PSG7: variants seen among roughly 807,000 people sequenced by gnomAD.
PSG7 encodes pregnancy specific beta-1-glycoprotein 7.
A neutral mutation model predicts 45.6 loss-of-function variants in PSG7; 57 were observed. The observed-to-expected ratio is 1.25, with a 90% confidence interval of 1.01 to 1.56. The LOEUF is 1.56. PSG7 is among the 40% of genes most tolerant of loss of function. PSG7 has a pLI of 0.00. For missense variants in PSG7, 796 were observed against 508.4 expected (o/e 1.57, Z -5.44); for synonymous variants, 298 against 194.4 (o/e 1.53, Z -4.43).
Position 42,925,241 on chromosome 19 carries a change from G to C in PSG7, c.1244-417C>G, listed in dbSNP as rs181704436. The C allele has an allele frequency of 1.7e-3, 509 of 301,620 alleles. 10 individuals are homozygous for C. Among genetic ancestry groups the C allele is most frequent in the African/African-American group, 1.0e-2 (453 of 45,516 alleles). 18.7% of individuals were successfully genotyped at this position (301,620 alleles called of 1,614,324 possible). Reference sequence around the variant, plus strand: ...GCCTTGGTAATATAACCAATGATTTGAAATGTGTCCTGTTACAAAGAGAGC... The same window carrying C: ...GCCTTGGTAATATAACCAATGATTTCAAATGTGTCCTGTTACAAAGAGAGC... On this transcript the variant is annotated intron_variant, in intron 5 of 5. Transcript: ENST00000406070.
Position 42,935,616 on chromosome 19 carries a change from C to G in PSG7, c.218G>C (p.Arg73Thr), listed in dbSNP as rs781920560. Residue 73 changes from arginine to threonine, a missense_variant, in exon 2 of 6, where the codon AGG becomes ACG. By Grantham distance (71) the Arg-to-Thr change is moderately conservative (BLOSUM62 -1). Transcript: ENST00000406070. ...TGATGTAACATAATGGTAGAGGTCC[C>G]TGATTTGTCCTTTGTACCAGATGTA... ...TGYIWYKGQI[R>T]DLYHYVTSYI... is the part of the protein sequence containing the mutation. The G allele has an allele frequency of 6.2e-7, 1 of 1,612,006 alleles. No homozygotes were observed. The highest frequency in any genetic ancestry group is 1.1e-5 in the South Asian group (1 of 90,804).
chr19:42,935,696 G>C lies in PSG7; in HGVS notation c.138C>G (p.Ser46=), dbSNP rs113195821. The change falls in exon 2 of 6, where the codon TCC becomes TCG. Residue 46 remains serine, a synonymous_variant. Coordinates refer to ENST00000406070, the MANE Select transcript of PSG7 (RefSeq NM_002783.3). ...VTIEAQPPKV[S]EGKDVLLLVH... is the part of the protein sequence containing the mutation. ...CAAGTAGAAGAACATCCTTCCCCTC[G>C]GAAACTTTTGGTGGCTGGGCTTCAA... 3 of 1,611,600 alleles carry C rather than the reference G, an allele frequency of 1.9e-6. No homozygotes were observed. Among genetic ancestry groups the C allele is most frequent in the Non-Finnish European group, 2.5e-6 (3 of 1,178,932 alleles).
At chr19:42,936,915 G>A (rs1258355280) in intron 1 of PSG7, 98 bp downstream of exon 1, 9 of 1,538,760 alleles carry the variant, frequency 5.8e-6, no homozygotes, top group Middle Eastern at 2.1e-4. Context: ...CCAAAGTGCT[G>A]GCTTCTTTTA....
chr19:42,926,079 G>T, intron 4 of PSG7, 52 bp from the exon 5 acceptor site: 1 of 1,595,088 alleles, frequency 6.3e-7, no homozygotes. Context: ...GGAAGGGGAT[G>T]CTCCTGGTCT....
Position 42,926,214 on chromosome 19 carries a change from C to T in PSG7, c.989-187G>A, listed in dbSNP as rs1272145608. On this transcript the variant is annotated intron_variant, in intron 4 of 5. Coordinates refer to ENST00000406070, the MANE Select transcript of PSG7 (RefSeq NM_002783.3). The stretch of plus-strand genomic sequence containing the variant: ...TTTCTCCCATCACAAGCTGTGGGCC[C>T]CAAGTCTCCCATGACAAGAGCGTCC... The T allele has an allele frequency of 8.7e-6, 12 of 1,384,976 alleles. No homozygotes were observed. The East Asian group carries it at 2.6e-4, about 30-fold the overall frequency. The allele number at this position is 1,384,976 out of a possible 1,614,324, so 85.8% of individuals were successfully genotyped here. A position where few individuals can be genotyped will look rare whatever the true frequency, so the allele number is the denominator to read the frequency against.
chr19:42,932,140 CA>C (rs1239366946), intron 2 of PSG7, among the ~76,000 whole-genome samples: 1 of 151,294 alleles, frequency 6.6e-6, no homozygotes, highest in African/African-American at 2.4e-5. Flanking sequence ...TCTCCTGCCT[CA>C]GCCTCCCGAG....
chr19:42,930,707 C>G (rs2238679), intron 2 of PSG7, among the ~76,000 whole-genome samples: 38,726 of 150,996 alleles, frequency 0.26, 6,883 homozygotes, highest in East Asian at 0.49. Flanking sequence ...CTATGTACCT[C>G]ATATCAGTGG....
chr19:42,925,810 G>A lies in PSG7; in HGVS notation c.1206C>T (p.Gly402=), dbSNP rs56993946. ...CTGTCACGGATTTGGAGCTTTCCTT[G>A]CCAGTGGCTGAGTTACGAACAGAGC... ...YACSVRNSAT[G]KESSKSVTVR... The change falls in exon 5 of 6, where the codon GGC becomes GGT. Residue 402 remains glycine (G), a synonymous_variant. Transcript: ENST00000406070. 4.7e-3 allele frequency: 7,608 copies of A among 1,611,978 alleles called. 453 individuals are homozygous for A. The African/African-American group carries it at 0.087, about 18-fold the overall frequency.
rs1321236988 is a variant in PSG7 at position 42,934,386 on chromosome 19, G to A, written c.430+1018C>T. ...AACCCAGTAAGCCCTCACTTCTGGTGGAGGAGAGGATGGGCCTGTGGCTGC... is the reference window on the plus strand; with the variant it reads ...AACCCAGTAAGCCCTCACTTCTGGTAGAGGAGAGGATGGGCCTGTGGCTGC... On this transcript the variant is annotated intron_variant, in intron 2 of 5. Transcript: ENST00000406070. 4.0e-5 allele frequency among the ~76,000 whole-genome samples: 6 copies of A among 150,802 alleles called. 1 individual carries two copies. The highest frequency in any genetic ancestry group is 4.0e-4 in the Admixed American group (6 of 15,124).
chr19:42,925,485 T>G, intron 5 of PSG7: 3 of 853,384 alleles, frequency 3.5e-6, no homozygotes, highest in Non-Finnish European at 5.0e-6. Context: ...AATCAGCATA[T>G]TTTCAAATAA....
chr19:42,929,555 T>C lies in PSG7; in HGVS notation c.596A>G (p.Asn199Ser), dbSNP rs766623408. Reference protein sequence around the residue: ...MTHSLQLSETNRTLYLFGVTN... With the variant: ...MTHSLQLSETSRTLYLFGVTN... Reference sequence around the variant, plus strand: ...GACACCAAATAGGTAGAGGGTCCTGTTGGTTTCAGACAGCTGCAAGCTGTG... The same window carrying C: ...GACACCAAATAGGTAGAGGGTCCTGCTGGTTTCAGACAGCTGCAAGCTGTG... The change falls in exon 3 of 6, where the codon AAC (asparagine) becomes AGC (serine). Residue 199 changes from asparagine to serine, a missense_variant. Asn to Ser is a conservative substitution (Grantham distance 46, BLOSUM62 1). Transcript: ENST00000406070. The C allele has an allele frequency of 1.9e-6, 3 of 1,612,432 alleles. 1 individual carries two copies. The Admixed American group carries it at 5.0e-5, about 27-fold the overall frequency.
At chr19:42,933,266 AATATATATATAT>A (rs1161461136) in intron 2 of PSG7, among the ~76,000 whole-genome samples, 5 of 15,744 alleles carry the variant, frequency 3.2e-4, no homozygotes, top group Admixed American at 1.4e-3. Context: ...TCACCATTTC[AATATATATATAT>A]ATATATATAT....
rs1219021005 is a variant in PSG7, at chr19:42,935,903, CACACACACACAA to C, written c.65-146_65-135del. 1.0e-3 allele frequency: 1,315 copies of C among 1,255,938 alleles called. 7 individuals are homozygous for C. Among genetic ancestry groups the C allele is most frequent in the Non-Finnish European group, 1.0e-3 (928 of 912,750 alleles). 77.8% of individuals were successfully genotyped at this position (1,255,938 alleles called of 1,614,324 possible). ...ACACACACACACACACACACACACA[CACACACACACAA>C]ACACACACACACACATATAAAAGGG... On this transcript the variant is annotated intron_variant, in intron 1 of 5. Transcript: ENST00000406070.
At chr19:42,929,748 C>T in intron 2 of PSG7, 28 bp from the exon 3 acceptor site, 1 of 1,603,236 alleles carries the variant, frequency 6.2e-7, no homozygotes, top group Non-Finnish European at 8.5e-7. Context: ...AGAAGATTGC[C>T]CTGTGTGGCA....
intron 5 of PSG7, chr19:42,925,515 C>G: frequency 1.0e-6 from 1 of 960,216 alleles, no homozygotes; most frequent in Admixed American, 3.2e-5. Context: ...AAACATTATC[C>G]TCATTATTAT....
chr19:42,930,135 C>G (rs1297842559), intron 2 of PSG7, among the ~76,000 whole-genome samples: 1 of 151,604 alleles, frequency 6.6e-6, no homozygotes, highest in African/African-American at 2.4e-5. Context: ...CTTCAGCTTC[C>G]CTTTCCAAGG....
chr19:42,926,279 G>A, intron 4 of PSG7, 159 bp downstream of exon 4: 1 of 1,467,980 alleles, frequency 6.8e-7, no homozygotes. Context: ...GCCTACCCAG[G>A]TTTTCCCAGG....
At chr19:42,933,295 A>ATT (rs1168854490) in intron 2 of PSG7, among the ~76,000 whole-genome samples, 12 of 11,894 alleles carry the variant, frequency 1.0e-3, no homozygotes, top group African/African-American at 2.6e-3. Context: ...ATATATATAT[A>ATT]TATATATATA....
intron 2 of PSG7, among the ~76,000 whole-genome samples, chr19:42,930,388 C>A (rs187248718): frequency 1.5e-4 from 23 of 151,684 alleles, no homozygotes; most frequent in Admixed American, 1.2e-3. Context: ...GAATGACCTA[C>A]AAAGAGTGAA....
Sources: allele counts gnomAD v4.1 joint callset (sites outside exome capture counted in the v4.1 genomes callset), GRCh38; gene constraint gnomAD v4.1.1; transcripts MANE v1.5; gene names NCBI Gene and HGNC (gene_info 2026-07-23, HGNC 2026-07-21).